The following NALCN variants were observed in gnomAD, a reference collection of about 807,000 sequenced individuals.
NALCN encodes the protein sodium leak channel, non-selective.
Under a neutral mutation model 225.3 loss-of-function variants are expected in NALCN, and 111 were observed. The ratio of observed to expected loss-of-function variants is 0.49; its 90% CI spans 0.42 to 0.58. The LOEUF (loss-of-function observed/expected upper bound fraction) is 0.58, where lower values mean the gene tolerates loss of function less well. NALCN is among the 20% of genes least tolerant of loss of function. NALCN has a pLI of 0.00. For synonymous variants in NALCN, 764 were observed against 769.0 expected (o/e 0.99, Z 0.11); for missense variants, 1,378 against 2,202.4 (o/e 0.63, Z 7.49).
intron 7 of NALCN, among the ~76,000 whole-genome samples, chr13:101,306,173 C>T (rs183413958): frequency 6.6e-6 from 1 of 152,174 alleles, no homozygotes; most frequent in Non-Finnish European, 1.5e-5. Context: ...GCTGCCAGAG[C>T]TCCCGAGGCT....
At chr13:101,398,709 T>C (rs2047383740) in intron 2 of NALCN, among the ~76,000 whole-genome samples, 1 of 152,132 alleles carries the variant, frequency 6.6e-6, no homozygotes, top group South Asian at 2.1e-4. Flanking sequence ...AACAGGTTGC[T>C]CATCTTGGAC....
At chr13:101,185,826 A>G (rs1295419817) in intron 14 of NALCN, among the ~76,000 whole-genome samples, 2 of 152,206 alleles carry the variant, frequency 1.3e-5, no homozygotes, top group Non-Finnish European at 2.9e-5. Context: ...GAACTCATCA[A>G]GTTGTATGGC....
chr13:101,074,692 CAGAGAGAGAGAG>C, intron 35 of NALCN, 30 bp from the exon 36 acceptor site: 1 of 1,443,210 alleles, frequency 6.9e-7, no homozygotes, highest in South Asian at 1.4e-5. Context: ...AGCGGGGAGA[CAGAGAGAGAGAG>C]AGAGAGAGAC....
intron 15 of NALCN, among the ~76,000 whole-genome samples, chr13:101,164,050 T>A (rs932133356): frequency 6.6e-6 from 1 of 152,112 alleles, no homozygotes; most frequent in Non-Finnish European, 1.5e-5. Context: ...AACAGTCATA[T>A]TGAGTCCACC....
chr13:101,340,649 C>T (rs960910474), intron 7 of NALCN, among the ~76,000 whole-genome samples: 1 of 152,132 alleles, frequency 6.6e-6, no homozygotes. Flanking sequence ...GGCTGTCACA[C>T]TAATATAAAG....
chr13:101,142,912 C>T (rs2037159219), intron 17 of NALCN, 168 bp downstream of exon 17: 1 of 949,494 alleles, frequency 1.1e-6, no homozygotes. Flanking sequence ...AATTTCAATG[C>T]ATAGAGTAAA....
rs1566540023 is a variant in NALCN, at chr13:101,292,388, G to A, written c.800-22C>T. ...GTTCCTGTCATGACAGAGGAGGACAGACTGAGTCACAGCTGACTTTTGAAA... is the reference window on the plus strand; with the variant it reads ...GTTCCTGTCATGACAGAGGAGGACAAACTGAGTCACAGCTGACTTTTGAAA... On this transcript the variant is annotated intron_variant, in intron 7 of 43. Coordinates refer to ENST00000251127, the MANE Select transcript of NALCN (RefSeq NM_052867.4). The surrounding 1 kb of genome is among the most constrained non-coding windows in gnomAD (Gnocchi z 4.3). The A allele has an allele frequency of 6.3e-7, 1 of 1,588,708 alleles. No individual in the cohort carries two copies. Among genetic ancestry groups the A allele is most frequent in the Non-Finnish European group, 8.6e-7 (1 of 1,166,536 alleles).
At chr13:101,329,850 C>T (rs1349816817) in intron 7 of NALCN, among the ~76,000 whole-genome samples, 1 of 151,678 alleles carries the variant, frequency 6.6e-6, no homozygotes, top group African/African-American at 2.4e-5. Flanking sequence ...ACCAGCCTGG[C>T]CGAAATGGTG....
At chr13:101,167,798 T>G (rs1006697457) in intron 15 of NALCN, among the ~76,000 whole-genome samples, 2 of 141,198 alleles carry the variant, frequency 1.4e-5, no homozygotes, top group African/African-American at 5.0e-5. Context: ...AAGATCATGC[T>G]ACTGCACTCC....
intron 2 of NALCN, among the ~76,000 whole-genome samples, chr13:101,396,337 C>T (rs2047292536): frequency 6.6e-6 from 1 of 152,012 alleles, no homozygotes; most frequent in African/African-American, 2.4e-5. Flanking sequence ...AATTAGTATA[C>T]AATTCTTAAA....
chr13:101,336,689 C>A (rs532755605), intron 7 of NALCN, among the ~76,000 whole-genome samples: 19 of 152,180 alleles, frequency 1.2e-4, no homozygotes, highest in African/African-American at 3.9e-4. Context: ...AAGGTAAATA[C>A]TGTTTATGTC....
At chr13:101,311,856 A>G (rs2044359256) in intron 7 of NALCN, among the ~76,000 whole-genome samples, 1 of 152,074 alleles carries the variant, frequency 6.6e-6, no homozygotes, top group Admixed American at 6.6e-5. Flanking sequence ...CTTTGGTATC[A>G]GGATGATGCT....
At chr13:101,236,639 T>G (rs9518350) in intron 12 of NALCN, among the ~76,000 whole-genome samples, 57,818 of 151,396 alleles carry the variant, frequency 0.38, 12,117 homozygotes, top group East Asian at 0.59. Flanking sequence ...TTGGAAATCA[T>G]CATTCTCAGT....
chr13:101,067,376 G>A (rs2032509029), intron 39 of NALCN, among the ~76,000 whole-genome samples: 1 of 151,636 alleles, frequency 6.6e-6, no homozygotes, highest in African/African-American at 2.4e-5. Flanking sequence ...AAGGGAAGGA[G>A]GTGGAGGTTG....
At chr13:101,143,843 A>C (rs923667716) in intron 16 of NALCN, among the ~76,000 whole-genome samples, 1 of 152,182 alleles carries the variant, frequency 6.6e-6, no homozygotes, top group East Asian at 1.9e-4. Context: ...GCTCTCTCTA[A>C]ATGTCCATTT....
chr13:101,218,269 T>C (rs929528164), intron 13 of NALCN, among the ~76,000 whole-genome samples: 12 of 152,144 alleles, frequency 7.9e-5, no homozygotes, highest in African/African-American at 2.4e-4. Flanking sequence ...GGTCACTGTA[T>C]GAGTTTGCTA....
chr13:101,236,695 A>G (rs2041565899), intron 12 of NALCN, among the ~76,000 whole-genome samples: 1 of 145,032 alleles, frequency 6.9e-6, no homozygotes, highest in South Asian at 2.2e-4. Context: ...ATTCTCACTC[A>G]TAGGTGGGAA....
chr13:101,134,611 A>G (rs2036679120), intron 17 of NALCN, among the ~76,000 whole-genome samples: 1 of 152,228 alleles, frequency 6.6e-6, no homozygotes, highest in South Asian at 2.1e-4. Context: ...TGACGTAAAA[A>G]TTACAAAGAG....
intron 17 of NALCN, among the ~76,000 whole-genome samples, chr13:101,140,489 G>T (rs2037020983): frequency 6.6e-6 from 1 of 152,266 alleles, no homozygotes; most frequent in East Asian, 1.9e-4. Flanking sequence ...TGTGACTTTG[G>T]CCATAATGGA....
Sources: gnomAD v4.1 joint callset for allele counts (sites outside exome capture counted in the v4.1 genomes callset) on GRCh38, gnomAD v4.1.1 for gene constraint, Gnocchi (gnomAD v3.1) non-coding constraint, MANE v1.5 for transcripts, NCBI Gene and HGNC (gene_info 2026-07-23, HGNC 2026-07-21) for gene names.